TMEM266: variants seen among roughly 807,000 people sequenced by gnomAD.
The protein encoded by TMEM266 is transmembrane protein 266.
In TMEM266, 33 loss-of-function variants were observed where a neutral mutation model predicts 50.5. The observed-to-expected ratio is 0.65, with a 90% CI of 0.50 to 0.87. The LOEUF (loss-of-function observed/expected upper bound fraction) is 0.87. Ranked by LOEUF, TMEM266 falls within the 40% of genes least tolerant of loss-of-function variation. The pLI is 0.00. For synonymous variants in TMEM266, 310 were observed against 292.3 expected (o/e 1.06, Z -0.62); for missense variants, 655 against 695.1 (o/e 0.94, Z 0.65).
intron 1 of TMEM266, among the ~76,000 whole-genome samples, chr15:76,125,668 C>T (rs1009964396): frequency 1.8e-4 from 28 of 151,742 alleles, no homozygotes; most frequent in South Asian, 4.2e-4. Context: ...GCCAACATGG[C>T]GAAACCCCAT....
intron 5 of TMEM266, among the ~76,000 whole-genome samples, chr15:76,163,885 C>T (rs2038054610): frequency 6.6e-6 from 1 of 152,264 alleles, no homozygotes; most frequent in Admixed American, 6.5e-5. Flanking sequence ...CCTCCTCCTT[C>T]TGTTGAGGTG....
intron 1 of TMEM266, among the ~76,000 whole-genome samples, chr15:76,067,939 C>G (rs2036464139): frequency 6.6e-6 from 1 of 152,140 alleles, no homozygotes; most frequent in South Asian, 2.1e-4. Context: ...CCCACCAGAG[C>G]CTGCTTCTGA....
intron 8 of TMEM266, 90 bp from the exon 9 acceptor site, chr15:76,191,878 C>G (rs1313182882): frequency 1.6e-6 from 2 of 1,239,590 alleles, no homozygotes; most frequent in Non-Finnish European, 2.1e-6. Context: ...CCACCCCGCC[C>G]CCATGCAGGA....
At chr15:76,114,541 A>G (rs1326665541) in intron 1 of TMEM266, among the ~76,000 whole-genome samples, 1 of 152,182 alleles carries the variant, frequency 6.6e-6, no homozygotes. Context: ...AAAAACTCAG[A>G]TATCTTTCTA....
At chr15:76,075,837 CTTTTTTTTTTTTTTTTTTTTT>C (rs71140194) in intron 1 of TMEM266, among the ~76,000 whole-genome samples, 11 of 23,594 alleles carry the variant, frequency 4.7e-4, no homozygotes, top group Admixed American at 1.5e-3. Flanking sequence ...GAGAAGGCAG[CTTTTTTTTTTTTTTTTTTTTT>C]TTTTTTTTTT....
At chr15:76,145,477 T>C (rs1256178492) in intron 3 of TMEM266, among the ~76,000 whole-genome samples, 1 of 152,174 alleles carries the variant, frequency 6.6e-6, no homozygotes, top group Non-Finnish European at 1.5e-5. Flanking sequence ...ACAAAGAACT[T>C]TCCCAGAAGC....
intron 10 of TMEM266, among the ~76,000 whole-genome samples, chr15:76,202,996 C>A (rs1348588664): frequency 1.3e-5 from 2 of 151,812 alleles, no homozygotes; most frequent in African/African-American, 2.4e-5. Context: ...TCAAAGACCA[C>A]CGTCTCCAGC....
At chr15:76,203,636 C>A in intron 10 of TMEM266, 105 bp from the exon 11 acceptor site, 2 of 1,073,636 alleles carry the variant, frequency 1.9e-6, no homozygotes, top group Non-Finnish European at 2.8e-6. Context: ...TCTCCTACAG[C>A]CTAGCCACAC....
intron 1 of TMEM266, 147 bp from the exon 2 acceptor site, chr15:76,134,021 C>T: frequency 2.5e-6 from 1 of 400,334 alleles, no homozygotes; most frequent in Non-Finnish European, 4.4e-6. Context: ...ATTACTCTTC[C>T]ATAGGGTAAT....
At chr15:76,086,930 G>GC (rs985955838) in intron 1 of TMEM266, among the ~76,000 whole-genome samples, 5 of 95,444 alleles carry the variant, frequency 5.2e-5, no homozygotes, top group Admixed American at 1.4e-4. Flanking sequence ...GAGCAGGTCG[G>GC]GGGGGGGGCG....
intron 1 of TMEM266, among the ~76,000 whole-genome samples, chr15:76,086,336 A>G (rs1488721919): frequency 1.3e-5 from 2 of 152,240 alleles, no homozygotes; most frequent in Non-Finnish European, 2.9e-5. Context: ...CAATGGTGAT[A>G]GAAATCAGGA....
At chr15:76,192,929 C>T (rs1205171887) in intron 9 of TMEM266, among the ~76,000 whole-genome samples, 1 of 152,200 alleles carries the variant, frequency 6.6e-6, no homozygotes, top group Admixed American at 6.5e-5. Flanking sequence ...GCTGGGAACT[C>T]GGGCTGTGGG....
At chr15:76,192,478 T>C (rs75283519) in intron 9 of TMEM266, among the ~76,000 whole-genome samples, 24 of 152,142 alleles carry the variant, frequency 1.6e-4, no homozygotes, top group Non-Finnish European at 2.5e-4. Flanking sequence ...GACTTTTCTG[T>C]TGTATGGCTG....
At chr15:76,106,570 G>C (rs1472124667) in intron 1 of TMEM266, among the ~76,000 whole-genome samples, 1 of 152,050 alleles carries the variant, frequency 6.6e-6, no homozygotes, top group Non-Finnish European at 1.5e-5. Context: ...CTCCCAAGTA[G>C]CTGGGACTCC....
chr15:76,145,082 G>C (rs1485546084), intron 3 of TMEM266, among the ~76,000 whole-genome samples: 1 of 152,158 alleles, frequency 6.6e-6, no homozygotes, highest in Non-Finnish European at 1.5e-5. Flanking sequence ...CCAGGGCAAG[G>C]GTGGCTTTGA....
At chr15:76,199,128 C>T (rs541424259) in intron 9 of TMEM266, among the ~76,000 whole-genome samples, 9 of 152,358 alleles carry the variant, frequency 5.9e-5, no homozygotes, top group Admixed American at 4.6e-4. Flanking sequence ...CAACTGGTCA[C>T]AGACTTGGTG....
At chr15:76,092,164 A>G (rs1292124971) in intron 1 of TMEM266, among the ~76,000 whole-genome samples, 4 of 152,096 alleles carry the variant, frequency 2.6e-5, no homozygotes, top group Non-Finnish European at 5.9e-5. Context: ...AAATAGTACT[A>G]TATCCCTTTC....
intron 6 of TMEM266, among the ~76,000 whole-genome samples, chr15:76,170,402 G>A (rs577666177): frequency 1.3e-5 from 2 of 152,190 alleles, no homozygotes; most frequent in Admixed American, 1.3e-4. Flanking sequence ...CTCAGTGCTG[G>A]GATCTGACAC....
rs1785877916 is a variant in TMEM266, at chr15:76,203,765, T to A, written c.1046T>A (p.Val349Glu). The A allele has an allele frequency of 6.2e-7, 1 of 1,613,788 alleles. No homozygotes were observed. The highest frequency in any genetic ancestry group is 1.1e-5 in the South Asian group (1 of 91,080). ...GACAGCGGTGTCCCAGAGCCAGCTG[T>A]GTGTATGGTCACCACGGCCGCAATA... The change falls in exon 11 of 11, where the codon GTG (valine) becomes GAG (glutamate). Residue 349 changes from valine (V) to glutamate (E), a missense_variant. Coordinates refer to ENST00000388942, the MANE Select transcript of TMEM266 (RefSeq NM_152335.3).
Sources: allele counts gnomAD v4.1 joint callset (sites outside exome capture counted in the v4.1 genomes callset), GRCh38; gene constraint gnomAD v4.1.1; transcripts MANE v1.5; gene names NCBI Gene and HGNC (gene_info 2026-07-23, HGNC 2026-07-21).